NEBL: variants seen among roughly 807,000 people sequenced by gnomAD.
NEBL encodes LIM and SH3 protein 2.
NEBL carries 122 observed loss-of-function variants against 140.2 expected under a neutral mutation model. The ratio of observed to expected loss-of-function variants is 0.87; its 90% CI spans 0.75 to 1.01. The LOEUF (loss-of-function observed/expected upper bound fraction) is 1.01. NEBL is among the 50% of genes least tolerant of loss of function. The pLI is 0.00. For synonymous variants in NEBL, 436 were observed against 398.9 expected, an observed-to-expected ratio of 1.09 and a Z score of -1.11; for missense variants, 1,365 against 1,231.3, an observed-to-expected ratio of 1.11 and a Z score of -1.62.
chr10:21,261,765 A>T (rs560581860), intron 1 of NEBL, among the ~76,000 whole-genome samples: 2 of 152,290 alleles, frequency 1.3e-5, no homozygotes, highest in South Asian at 2.1e-4. Context: ...GAGCCTCGTG[A>T]TAGACTTGTT....
chr10:21,089,856 G>C (rs1484070351), intron 2 of NEBL, among the ~76,000 whole-genome samples: 2 of 151,602 alleles, frequency 1.3e-5, no homozygotes, highest in Non-Finnish European at 2.9e-5. Flanking sequence ...CCAAAAACAT[G>C]TCCATAGTTC....
chr10:20,817,566 T>C (rs1426303250), intron 21 of NEBL, 34 bp downstream of exon 21: 1 of 1,481,992 alleles, frequency 6.7e-7, no homozygotes, highest in African/African-American at 1.4e-5. Context: ...ATGCATTTGA[T>C]AGTGTAAGAA....
intron 3 of NEBL, among the ~76,000 whole-genome samples, chr10:21,191,102 T>C (rs905716486): frequency 2.0e-5 from 3 of 152,232 alleles, no homozygotes; most frequent in Admixed American, 6.5e-5. Flanking sequence ...CAGTTTCATA[T>C]ACAATATGTT....
At position 20,781,909 on chromosome 10, in the gene NEBL, A is replaced by G. The variant is rs1835059327; in HGVS notation, c.*3838T>C. 6.6e-6 allele frequency: 1 copy of G among 152,614 alleles called. No homozygotes were observed. The highest frequency in any genetic ancestry group is 2.4e-5 in the African/African-American group (1 of 41,444). The allele number at this position is 152,614 out of a possible 1,614,324, so 9.5% of individuals were successfully genotyped here. On this transcript the variant is annotated 3_prime_UTR_variant, in exon 28 of 28. Transcript: ENST00000377122. ...ACAACCACAATCTAGCCACTTTTAG[A>G]TTATCAGAAGCAAATCGCTAAGGTA...
intron 1 of NEBL, among the ~76,000 whole-genome samples, chr10:21,260,020 G>C (rs1472761663): frequency 1.3e-5 from 2 of 152,184 alleles, no homozygotes; most frequent in African/African-American, 4.8e-5. Context: ...CCAGTCCTTG[G>C]CAATATTATT....
In NEBL at chr10:20,787,237, A is replaced by T; in HGVS notation, c.2833T>A (p.Ser945Thr). The T allele has an allele frequency of 6.2e-7, 1 of 1,613,398 alleles. No homozygotes were observed. Among genetic ancestry groups the T allele is most frequent in the South Asian group, 1.1e-5 (1 of 90,908 alleles). ...GAATGCTGCATTGATCTCATGGATG[A>T]CACACTGGTCTGGTGCATGTAGCCA... Reference protein sequence around the residue: ...GYGYMHQTSVSSMRSMQHSPN... With the variant: ...GYGYMHQTSVTSMRSMQHSPN... Residue 945 changes from serine (S) to threonine (T), a missense_variant, in exon 27 of 28, where the codon TCA (serine) becomes ACA (threonine). By Grantham distance (58) the Ser-to-Thr change is moderately conservative. This residue lies in a region of NEBL where 1,323 missense variants were observed against 1,154.8 expected (regional missense o/e 1.15). Transcript: ENST00000377122.
At chr10:21,101,969 A>G (rs965860106) in intron 2 of NEBL, among the ~76,000 whole-genome samples, 7 of 152,338 alleles carry the variant, frequency 4.6e-5, no homozygotes, top group African/African-American at 1.7e-4. Flanking sequence ...AGAAGCCACA[A>G]AGGTAGACAG....
intron 1 of NEBL, among the ~76,000 whole-genome samples, chr10:21,257,899 CA>C (rs1219730115): frequency 5.0e-5 from 7 of 140,082 alleles, no homozygotes; most frequent in Middle Eastern, 3.4e-3. Flanking sequence ...ACACACACCC[CA>C]AAAAAAAAAC....
intron 2 of NEBL, among the ~76,000 whole-genome samples, chr10:21,059,250 C>T (rs1835172293): frequency 6.6e-6 from 1 of 152,222 alleles, no homozygotes; most frequent in South Asian, 2.1e-4. Context: ...GGTGCCATTC[C>T]ACCAACCCAG....
rs564316444 is a variant in NEBL, at chr10:20,783,731, T to C, written c.*2016A>G. ...AAAATAAAATTGAGCAGGTATTTTA[T>C]CCTCAGTTTTAACGACAGATTTTTT... is the stretch of plus-strand genomic sequence containing the variant. On this transcript the variant is annotated 3_prime_UTR_variant, in exon 28 of 28. Coordinates refer to ENST00000377122, the MANE Select transcript of NEBL (RefSeq NM_006393.3). 35 of 152,730 alleles carry C rather than the reference T, an allele frequency of 2.3e-4. No homozygotes were observed. Among genetic ancestry groups the C allele is most frequent in the African/African-American group, 7.7e-4 (32 of 41,568 alleles). 9.5% of individuals were successfully genotyped at this position (152,730 alleles called of 1,614,324 possible).
intron 26 of NEBL, among the ~76,000 whole-genome samples, chr10:20,792,446 G>A (rs1336901201): frequency 1.3e-5 from 2 of 152,200 alleles, no homozygotes; most frequent in African/African-American, 4.8e-5. Flanking sequence ...AAAAGAGAAA[G>A]TAGGACTATG....
intron 2 of NEBL, among the ~76,000 whole-genome samples, chr10:21,026,114 C>G (rs1429541804): frequency 6.6e-6 from 1 of 152,130 alleles, no homozygotes; most frequent in East Asian, 1.9e-4. Context: ...AAATGAGAAA[C>G]ATTAGTGAAC....
chr10:20,926,122 C>A (rs554869078), intron 4 of NEBL, among the ~76,000 whole-genome samples: 1 of 152,290 alleles, frequency 6.6e-6, no homozygotes, highest in Non-Finnish European at 1.5e-5. Context: ...ATCTCTTCAT[C>A]AGATGCACAA....
At chr10:21,164,487 A>G (rs1840681150) in intron 2 of NEBL, among the ~76,000 whole-genome samples, 1 of 152,224 alleles carries the variant, frequency 6.6e-6, no homozygotes. Flanking sequence ...ACACATATCT[A>G]TATCTTGCAT....
rs373167913 is a variant in NEBL at position 20,785,933 on chromosome 10, G to C, written c.2869-10C>G. On this transcript the variant is annotated splice_polypyrimidine_tract_variant and intron_variant, in intron 27 of 27. Transcript: ENST00000377122. ...TGGCTCGGTAGGTCCTCTGAGAAAG[G>C]AAGAAGGGATTATACGATGAATGCC... 1.9e-6 allele frequency: 3 copies of C among 1,613,114 alleles called. No individual in the cohort carries two copies. The African/African-American group carries it at 4.0e-5, about 22-fold the overall frequency.
intron 3 of NEBL, among the ~76,000 whole-genome samples, chr10:20,963,931 AT>A (rs1836175795): frequency 6.6e-6 from 1 of 152,078 alleles, no homozygotes; most frequent in South Asian, 2.1e-4. Context: ...GCCCACCAGT[AT>A]TTCTTTACTA....
intron 3 of NEBL, among the ~76,000 whole-genome samples, chr10:20,972,299 C>T (rs1390673793): frequency 2.6e-5 from 4 of 152,154 alleles, no homozygotes; most frequent in Non-Finnish European, 4.4e-5. Context: ...AAAATTGTTC[C>T]TAACCTCCCT....
At chr10:21,122,301 C>A (rs1270528880) in intron 2 of NEBL, among the ~76,000 whole-genome samples, 1 of 152,050 alleles carries the variant, frequency 6.6e-6, no homozygotes, top group African/African-American at 2.4e-5. Flanking sequence ...ACTGGAATTA[C>A]AGGCATGAGC....
In NEBL at chr10:21,260,889, G is replaced by A. The variant is rs1354725213; in HGVS notation, n.183-9061C>T. ...CGAACAACAAAATCTTGCAGTGAAA[G>A]TTAAAAACATTAGGGAGTCACAGGC... On this transcript the variant is annotated intron_variant and non_coding_transcript_variant, in intron 1 of 8. Coordinates refer to the NEBL transcript ENST00000675702. 2.6e-5 allele frequency among the ~76,000 whole-genome samples: 4 copies of A among 152,204 alleles called. No individual in the cohort carries two copies. The East Asian group carries it at 7.7e-4, about 29-fold the overall frequency.
Sources: allele counts gnomAD v4.1 joint callset (sites outside exome capture counted in the v4.1 genomes callset), GRCh38; gene constraint gnomAD v4.1.1; regional missense constraint gnomAD v4.1.1; transcripts MANE v1.5; gene names NCBI Gene and HGNC (gene_info 2026-07-23, HGNC 2026-07-21).